FXN: variants seen among roughly 807,000 people sequenced by gnomAD.
FXN encodes the protein frataxin, mitochondrial.
FXN carries 14 observed loss-of-function variants against 22.4 expected under a neutral mutation model. The ratio of observed to expected loss-of-function variants is 0.62; its 90% CI spans 0.41 to 0.98. The LOEUF is 0.98. FXN is among the 50% of genes least tolerant of loss of function. The pLI, the probability that FXN is intolerant of heterozygous loss-of-function variation, is 0.00. For synonymous variants in FXN, 120 were observed against 114.1 expected (o/e 1.05, Z -0.33); for missense variants, 267 against 268.4 (o/e 0.99, Z 0.04).
In FXN at chr9:69,073,058, TA is replaced by T; in HGVS notation, c.*302del. On this transcript the variant is annotated 3_prime_UTR_variant, in exon 5 of 5. Coordinates refer to ENST00000484259, the MANE Select transcript of FXN (RefSeq NM_000144.5). ...GCCTATACCTGAATATAACAACCTT[TA>T]AAAAAGCAAAATAATAAGAAGGAAA... is the stretch of plus-strand genomic sequence containing the variant. 2 of 1,238,290 alleles carry T rather than the reference TA, an allele frequency of 1.6e-6. No individual in the cohort carries two copies. Among genetic ancestry groups the T allele is most frequent in the Non-Finnish European group, 2.0e-6 (2 of 986,706 alleles). 76.7% of individuals were successfully genotyped at this position (1,238,290 alleles called of 1,614,324 possible). A position where few individuals can be genotyped will look rare whatever the true frequency, so the allele number is the denominator to read the frequency against.
Position 69,078,403 on chromosome 9 carries a change from T to G in FXN, c.*5641T>G. ...CCCCAGTGGAGGTCCTCATCATTTT[T>G]CACCTGCATTTTTGCAGGAGCTTTC... On this transcript the variant is annotated 3_prime_UTR_variant, in exon 5 of 5. Transcript: ENST00000484259. The G allele has an allele frequency of 1.0e-6, 1 of 985,484 alleles. No homozygotes were observed. Among genetic ancestry groups the G allele is most frequent in the Non-Finnish European group, 1.2e-6 (1 of 829,970 alleles). 61.0% of individuals were successfully genotyped at this position (985,484 alleles called of 1,614,324 possible).
intron 1 of FXN, among the ~76,000 whole-genome samples, chr9:69,042,691 A>AAC (rs148566764): frequency 0.073 from 11,033 of 151,938 alleles, 544 homozygotes; most frequent in African/African-American, 0.14. Context: ...TATTAAATTA[A>AAC]ACACACACAC....
At position 69,076,221 on chromosome 9, in the gene FXN, T is replaced by TG. The variant is rs1285422497; in HGVS notation, c.*3459_*3460insG. ...AGACACTGACAGTGGCCTCATGTTT[T>TG]TTTTTTTTTTAATCTATAAAATGGA... On this transcript the variant is annotated 3_prime_UTR_variant, in exon 5 of 5. Coordinates refer to ENST00000484259, the MANE Select transcript of FXN (RefSeq NM_000144.5). 5.7e-4 allele frequency: 535 copies of TG among 943,450 alleles called. 4 individuals are homozygous for TG. In the South Asian group the frequency reaches 0.02, roughly 36 times the overall value. The allele number at this position is 943,450 out of a possible 1,614,324, so 58.4% of individuals were successfully genotyped here. A position where few individuals can be genotyped will look rare whatever the true frequency, so the allele number is the denominator to read the frequency against.
At chr9:69,043,751 T>C (rs1831697947) in intron 1 of FXN, among the ~76,000 whole-genome samples, 1 of 152,202 alleles carries the variant, frequency 6.6e-6, no homozygotes, top group Admixed American at 6.6e-5. Flanking sequence ...GCCTTGCTAA[T>C]TTTTGTGTTT....
intron 2 of FXN, among the ~76,000 whole-genome samples, chr9:69,050,851 G>A (rs924596022): frequency 2.7e-5 from 4 of 150,034 alleles, no homozygotes; most frequent in African/African-American, 9.9e-5. Context: ...CACGTCCTCT[G>A]CTCACTGCAA....
At chr9:69,055,096 A>C (rs73647062) in intron 3 of FXN, among the ~76,000 whole-genome samples, 4,074 of 152,344 alleles carry the variant, frequency 0.027, 182 homozygotes, top group African/African-American at 0.092. Flanking sequence ...ATGCCTTTCA[A>C]GTAGATTCAG....
Position 69,035,848 on chromosome 9 carries a change from G to C in FXN, c.66G>C (p.Gln22His). The C allele has an allele frequency of 6.6e-7, 1 of 1,505,258 alleles. No individual in the cohort carries two copies. Among genetic ancestry groups the C allele is most frequent in the Non-Finnish European group, 8.8e-7 (1 of 1,133,970 alleles). 93.2% of individuals were successfully genotyped at this position (1,505,258 alleles called of 1,614,324 possible). The change falls in exon 1 of 5, where the codon CAG (glutamine) becomes CAC (histidine). Residue 22 changes from glutamine to histidine, a missense_variant. Gln to His is a conservative substitution (Grantham distance 24). Transcript: ENST00000484259. ...LLASPSPAQA[Q>H]TLTRVPRPAE... ...CGTCACCCAGCCCAGCCCAGGCCCA[G>C]ACCCTCACCCGGGTCCCGCGGCCGG...
At chr9:69,054,729 ACTC>A (rs1831923849) in intron 3 of FXN, among the ~76,000 whole-genome samples, 1 of 151,706 alleles carries the variant, frequency 6.6e-6, no homozygotes, top group Non-Finnish European at 1.5e-5. Flanking sequence ...CTGGTTTTGA[ACTC>A]CTGAACTCAA....
chr9:69,047,803 C>T (rs540630024), intron 2 of FXN, among the ~76,000 whole-genome samples: 31 of 152,030 alleles, frequency 2.0e-4, no homozygotes, highest in Non-Finnish European at 3.2e-4. Context: ...CTGCAGCCTC[C>T]GCCTCCCGGG....
At position 69,076,705 on chromosome 9, in the gene FXN, G is replaced by A. The variant is rs930916482; in HGVS notation, c.*3943G>A. The A allele has an allele frequency of 1.1e-5, 11 of 985,262 alleles. No individual in the cohort carries two copies. In the African/African-American group the frequency reaches 1.2e-4, roughly 11 times the overall value. 61.0% of individuals were successfully genotyped at this position (985,262 alleles called of 1,614,324 possible). Reference sequence around the variant, plus strand: ...CATGCAAGGTTGCCAAGGAAAAATCGCTTTACGCTTCCAAGGTACACACTA... The same window carrying A: ...CATGCAAGGTTGCCAAGGAAAAATCACTTTACGCTTCCAAGGTACACACTA... On this transcript the variant is annotated 3_prime_UTR_variant, in exon 5 of 5. Coordinates refer to ENST00000484259, the MANE Select transcript of FXN (RefSeq NM_000144.5).
chr9:69,052,822 A>G (rs1238125006), intron 2 of FXN, among the ~76,000 whole-genome samples: 1 of 151,976 alleles, frequency 6.6e-6, no homozygotes, highest in East Asian at 1.9e-4. Context: ...GATTACAGGC[A>G]TGAGCTACCA....
chr9:69,045,327 G>C (rs1831729969), intron 1 of FXN, among the ~76,000 whole-genome samples: 1 of 152,110 alleles, frequency 6.6e-6, no homozygotes, highest in African/African-American at 2.4e-5. Context: ...TATAGGGCTG[G>C]GTGCGGTGGC....
At chr9:69,053,103 T>A (rs748181801) in intron 2 of FXN, 37 bp from the exon 3 acceptor site, 1 of 1,608,902 alleles carries the variant, frequency 6.2e-7, no homozygotes, top group African/African-American at 1.3e-5. Context: ...TGGAAGCATT[T>A]GGTAATCATG....
At chr9:69,052,636 A>G (rs1490760548) in intron 2 of FXN, among the ~76,000 whole-genome samples, 4 of 139,102 alleles carry the variant, frequency 2.9e-5, no homozygotes, top group African/African-American at 5.4e-5. Context: ...TCCGCCTCCC[A>G]GGTTCACGCC....
At position 69,078,344 on chromosome 9, in the gene FXN, C is replaced by T. The variant is rs1832408435; in HGVS notation, c.*5582C>T. On this transcript the variant is annotated 3_prime_UTR_variant, in exon 5 of 5. Coordinates refer to ENST00000484259, the MANE Select transcript of FXN (RefSeq NM_000144.5). Reference sequence around the variant, plus strand: ...CAGCAGTTCCCCTTGAAAGTTTCACCAAACATCCCTTAAATCTGCCCTCTC... The same window carrying T: ...CAGCAGTTCCCCTTGAAAGTTTCACTAAACATCCCTTAAATCTGCCCTCTC... 5 of 985,484 alleles carry T rather than the reference C, an allele frequency of 5.1e-6. No individual in the cohort carries two copies. The highest frequency in any genetic ancestry group is 6.0e-6 in the Non-Finnish European group (5 of 829,962). The allele number at this position is 985,484 out of a possible 1,614,324, so 61.0% of individuals were successfully genotyped here.
Position 69,075,851 on chromosome 9 carries a change from T to C in FXN, c.*3089T>C. On this transcript the variant is annotated 3_prime_UTR_variant, in exon 5 of 5. Transcript: ENST00000484259. ...GGCTTGGGCAATCCTCCCACAGGTG[T>C]GCACCTCCATAGCTGGCTAATTTGT... The C allele has an allele frequency of 1.9e-6, 1 of 532,176 alleles. No homozygotes were observed. Among genetic ancestry groups the C allele is most frequent in the Non-Finnish European group, 2.4e-6 (1 of 416,538 alleles). The allele number at this position is 532,176 out of a possible 1,614,324, so 33.0% of individuals were successfully genotyped here.
chr9:69,067,119 G>T (rs1832181017), intron 4 of FXN, among the ~76,000 whole-genome samples: 1 of 152,368 alleles, frequency 6.6e-6, no homozygotes, highest in Admixed American at 6.5e-5. Flanking sequence ...CAAGACGGCA[G>T]CTCCCAGCGG....
intron 1 of FXN, 26 bp from the exon 2 acceptor site, chr9:69,046,359 A>G (rs373852796): frequency 8.0e-5 from 124 of 1,552,002 alleles, no homozygotes; most frequent in Non-Finnish European, 1.1e-4. Flanking sequence ...AAAAATAGTA[A>G]CGTACTTCTT....
rs760965156 is a variant in FXN, at chr9:69,064,968, G to T, written c.415G>T (p.Asp139Tyr). 17 of 1,613,942 alleles carry T rather than the reference G, an allele frequency of 1.1e-5. No individual in the cohort carries two copies. The highest frequency in any genetic ancestry group is 1.3e-5 in the Non-Finnish European group (15 of 1,179,846). Reference protein sequence around the residue: ...SGVLTVKLGGDLGTYVINKQT... With the variant: ...SGVLTVKLGGYLGTYVINKQT... ...TGTCTTAACTGTCAAACTGGGTGGA[G>T]ATCTAGGAACCTATGTGATCAACAA... The change falls in exon 4 of 5, where the codon GAT becomes TAT. Residue 139 changes from aspartate (D) to tyrosine (Y), a missense_variant. Physicochemically the swap from Asp to Tyr is radical, Grantham distance 160 (BLOSUM62 -3). Transcript: ENST00000484259.
Sources: gnomAD v4.1 joint callset for allele counts (sites outside exome capture counted in the v4.1 genomes callset) on GRCh38, gnomAD v4.1.1 for gene constraint, MANE v1.5 for transcripts, NCBI Gene and HGNC (gene_info 2026-07-23, HGNC 2026-07-21) for gene names.